The following MEOX2 variants were observed in gnomAD, a reference collection of about 807,000 sequenced individuals.
The protein encoded by MEOX2 is homeobox protein MOX-2.
In MEOX2, 11 loss-of-function variants were observed where a neutral mutation model predicts 27.0. The ratio of observed to expected loss-of-function variants is 0.41; its 90% CI spans 0.26 to 0.68. The LOEUF is 0.68. MEOX2 is among the 30% of genes least tolerant of loss of function. MEOX2 has a pLI of 0.33. For synonymous variants in MEOX2, 189 were observed against 155.4 expected, an observed-to-expected ratio of 1.22 and a Z score of -1.61; for missense variants, 436 against 385.4, an observed-to-expected ratio of 1.13 and a Z score of -1.10.
intron 1 of MEOX2, chr7:15,679,448 AG>A (rs1263681321): frequency 6.6e-6 from 1 of 152,158 alleles, no homozygotes; most frequent in Non-Finnish European, 1.5e-5. Flanking sequence ...CATCTTAGAA[AG>A]AAAGCTTATG....
intron 1 of MEOX2, among the ~76,000 whole-genome samples, chr7:15,665,647 A>G (rs1021136979): frequency 1.3e-5 from 2 of 152,216 alleles, no homozygotes; most frequent in Non-Finnish European, 2.9e-5. Context: ...GATCTCATCA[A>G]TAAGAATTAC....
At chr7:15,653,423 C>T (rs932019223) in intron 1 of MEOX2, among the ~76,000 whole-genome samples, 1 of 151,882 alleles carries the variant, frequency 6.6e-6, no homozygotes. Flanking sequence ...CCCCATTGTG[C>T]AGCTGGTCTT....
chr7:15,643,586 G>C (rs2115372280), intron 1 of MEOX2, among the ~76,000 whole-genome samples: 1 of 152,306 alleles, frequency 6.6e-6, no homozygotes, highest in African/African-American at 2.4e-5. Context: ...ACAGGCCTGA[G>C]CTCATCCCAA....
At chr7:15,648,524 G>A (rs543698935) in intron 1 of MEOX2, among the ~76,000 whole-genome samples, 1 of 152,094 alleles carries the variant, frequency 6.6e-6, no homozygotes, top group Non-Finnish European at 1.5e-5. Flanking sequence ...ATAGCAGGCC[G>A]GAGAAAGGGA....
chr7:15,636,308 T>G (rs1193549813), intron 1 of MEOX2, among the ~76,000 whole-genome samples: 5 of 151,962 alleles, frequency 3.3e-5, no homozygotes, highest in Admixed American at 2.6e-4. Context: ...ATCGGAAGAT[T>G]AATGACCAAG....
intron 1 of MEOX2, among the ~76,000 whole-genome samples, chr7:15,636,477 A>T (rs769693053): frequency 2.6e-5 from 4 of 152,042 alleles, no homozygotes; most frequent in South Asian, 2.1e-4. Flanking sequence ...TGCGCTAGTG[A>T]AGTTAAATTC....
chr7:15,635,891 T>C (rs1195311719), intron 1 of MEOX2, among the ~76,000 whole-genome samples: 3 of 152,008 alleles, frequency 2.0e-5, no homozygotes, highest in Non-Finnish European at 4.4e-5. Context: ...CAAGGCTTAG[T>C]GGTATCAGTG....
At chr7:15,643,055 T>C (rs1777112015) in intron 1 of MEOX2, among the ~76,000 whole-genome samples, 1 of 152,158 alleles carries the variant, frequency 6.6e-6, no homozygotes, top group Admixed American at 6.5e-5. Flanking sequence ...TTATATTGGG[T>C]CATGCAGTTT....
intron 2 of MEOX2, among the ~76,000 whole-genome samples, chr7:15,625,290 T>C (rs1030159781): frequency 6.6e-6 from 1 of 152,232 alleles, no homozygotes; most frequent in Non-Finnish European, 1.5e-5. Context: ...ATGTAGACTT[T>C]GGATCCTGCT....
In MEOX2 at chr7:15,611,859, C is replaced by T. The variant is rs919239180; in HGVS notation, c.*528G>A. On this transcript the variant is annotated 3_prime_UTR_variant, in exon 3 of 3. Coordinates refer to ENST00000262041, the MANE Select transcript of MEOX2 (RefSeq NM_005924.5). The stretch of plus-strand genomic sequence containing the variant: ...GGGTAATATATACAGAGTTAAAATA[C>T]ACTTTTTATCCACTTGAGTGAATTC... 1.3e-5 allele frequency: 2 copies of T among 156,222 alleles called. No individual in the cohort carries two copies. Among genetic ancestry groups the T allele is most frequent in the African/African-American group, 2.4e-5 (1 of 41,446 alleles). 9.7% of individuals were successfully genotyped at this position (156,222 alleles called of 1,614,324 possible).
chr7:15,684,412 A>G (rs537050158), intron 1 of MEOX2, among the ~76,000 whole-genome samples: 1 of 152,336 alleles, frequency 6.6e-6, no homozygotes, highest in African/African-American at 2.4e-5. Context: ...TATAGTTAGG[A>G]AAATACATTA....
At chr7:15,652,056 C>T (rs991823422) in intron 1 of MEOX2, among the ~76,000 whole-genome samples, 2 of 152,012 alleles carry the variant, frequency 1.3e-5, no homozygotes, top group Non-Finnish European at 2.9e-5. Context: ...TTACAAAATA[C>T]CATCTTTAAA....
rs573018432 is a variant in MEOX2, at chr7:15,613,095, C to G, written c.691-484G>C. On this transcript the variant is annotated intron_variant, in intron 2 of 2. Transcript: ENST00000262041. The stretch of plus-strand genomic sequence containing the variant: ...ACTCTGCCATCAGAAACTACTGCTG[C>G]TTTCACAAATCTTTATTTGACCATT... Among the ~76,000 whole-genome samples, 197 of 152,352 alleles carry G rather than the reference C, an allele frequency of 1.3e-3. 2 individuals carry two copies. The highest frequency in any genetic ancestry group is 4.6e-3 in the African/African-American group (191 of 41,590).
chr7:15,651,092 C>T (rs967501325), intron 1 of MEOX2, among the ~76,000 whole-genome samples: 3 of 151,936 alleles, frequency 2.0e-5, no homozygotes, highest in Admixed American at 6.6e-5. Flanking sequence ...TGTGAAAGTC[C>T]TCGATTTTCA....
intron 1 of MEOX2, among the ~76,000 whole-genome samples, chr7:15,662,967 A>G (rs908970952): frequency 6.6e-6 from 1 of 152,154 alleles, no homozygotes; most frequent in African/African-American, 2.4e-5. Flanking sequence ...AAGCCCCACA[A>G]TTAAGAGGCC....
rs372077660 is a variant in MEOX2, at chr7:15,686,259, G to A, written c.144C>T (p.Cys48=). 1.9e-6 allele frequency: 3 copies of A among 1,612,966 alleles called. No individual in the cohort carries two copies. The highest frequency in any genetic ancestry group is 2.2e-5 in the East Asian group (1 of 44,824). ...CTTCGTTGGGGTATCCCGCGATTAT[G>A]CAAGATGAGGAAGAAGTAGAGAGCT... is the stretch of plus-strand genomic sequence containing the variant. The part of the protein sequence containing the change: ...YPELSTSSSS[C]IIAGYPNEEG... The change falls in exon 1 of 3, where the codon TGC becomes TGT. Residue 48 remains cysteine (C), a synonymous_variant. Coordinates refer to ENST00000262041, the MANE Select transcript of MEOX2 (RefSeq NM_005924.5).
Position 15,612,514 on chromosome 7 carries a change from T to C in MEOX2, c.788A>G (p.Lys263Arg). ...CTCTGATGGGAGAAGTGTTCCCTTT[T>C]TCACATTCACCAGTTCCTTTTCCCG... ...AAREKELVNV[K>R]KGTLLPSELS... is the part of the protein sequence containing the mutation. Residue 263 changes from lysine (K) to arginine (R), a missense_variant, in exon 3 of 3, where the codon AAA becomes AGA. Coordinates refer to ENST00000262041, the MANE Select transcript of MEOX2 (RefSeq NM_005924.5). 1 of 1,614,192 alleles carries C rather than the reference T, an allele frequency of 6.2e-7. No homozygotes were observed. The highest frequency in any genetic ancestry group is 8.5e-7 in the Non-Finnish European group (1 of 1,180,032).
intron 1 of MEOX2, 113 bp downstream of exon 1, chr7:15,685,773 A>C (rs2115400901): frequency 1.4e-6 from 2 of 1,409,702 alleles, no homozygotes; most frequent in Middle Eastern, 2.6e-4. Context: ...ACAGAGGGCA[A>C]CACATTCCCA....
intron 1 of MEOX2, 67 bp from the exon 2 acceptor site, chr7:15,626,985 A>G: frequency 2.0e-6 from 3 of 1,480,668 alleles, no homozygotes; most frequent in Non-Finnish European, 2.8e-6. Context: ...CATATTATTC[A>G]CAGTTATTGA....
Sources: gnomAD v4.1 joint callset for allele counts (sites outside exome capture counted in the v4.1 genomes callset) on GRCh38, gnomAD v4.1.1 for gene constraint, MANE v1.5 for transcripts, NCBI Gene and HGNC (gene_info 2026-07-23, HGNC 2026-07-21) for gene names.